Variants in DDX42 observed in about 807,000 individuals in gnomAD.
The protein encoded by DDX42 is DEAD-box helicase 42.
In DDX42, 22 loss-of-function variants were observed where a neutral mutation model predicts 101.5. The observed-to-expected ratio is 0.22, with a 90% CI of 0.15 to 0.31. The LOEUF (loss-of-function observed/expected upper bound fraction) is 0.31. Among genes scored for constraint, DDX42 ranks in the 10% least tolerant of loss-of-function variants. The pLI is 1.00. For missense variants in DDX42, 849 were observed against 1,199.9 expected (o/e 0.71, Z 4.32); for synonymous variants, 402 against 401.2 (o/e 1.00, Z -0.02).
At position 63,792,476 on chromosome 17, in the gene DDX42, T is replaced by C; in HGVS notation, c.286T>C (p.Ser96Pro). The C allele has an allele frequency of 6.2e-7, 1 of 1,613,914 alleles. No individual in the cohort carries two copies. Among genetic ancestry groups the C allele is most frequent in the Non-Finnish European group, 8.5e-7 (1 of 1,179,908 alleles). The change falls in exon 3 of 18, where the codon TCA becomes CCA. Residue 96 changes from serine to proline, a missense_variant. Transcript: ENST00000389924. Reference sequence around the variant, plus strand: ...TTTACCTTACATTCCTGCTGAAAACTCACCAACTCGCCAGCAATTCCATTC... The same window carrying C: ...TTTACCTTACATTCCTGCTGAAAACCCACCAACTCGCCAGCAATTCCATTC... ...VDLPYIPAEN[S>P]PTRQQFHSKP...
intron 2 of DDX42, among the ~76,000 whole-genome samples, chr17:63,789,461 G>A (rs757527863): frequency 2.0e-5 from 3 of 151,046 alleles, no homozygotes; most frequent in Non-Finnish European, 4.4e-5. Flanking sequence ...TGATCCTCCC[G>A]CCTTGGCCTC....
At chr17:63,799,750 T>C in intron 5 of DDX42, 125 bp downstream of exon 5, 1 of 938,088 alleles carries the variant, frequency 1.1e-6, no homozygotes, top group Non-Finnish European at 1.6e-6. Flanking sequence ...GTCATTTGAT[T>C]TGCTCCTTTT....
intron 3 of DDX42, 130 bp downstream of exon 3, chr17:63,792,692 A>T (rs897868451): frequency 9.7e-6 from 9 of 925,916 alleles, no homozygotes; most frequent in Non-Finnish European, 1.4e-5. Flanking sequence ...ATTTTGCTCC[A>T]GTAGTCTATA....
intron 4 of DDX42, chr17:63,798,327 A>C: frequency 2.6e-6 from 1 of 381,004 alleles, no homozygotes. Context: ...GTCTTTGACT[A>C]TAAATAGTTG....
intron 1 of DDX42, among the ~76,000 whole-genome samples, chr17:63,786,296 G>C (rs2039546704): frequency 6.6e-6 from 1 of 152,096 alleles, no homozygotes; most frequent in East Asian, 1.9e-4. Context: ...GGAATACAGT[G>C]GCTATTCACA....
chr17:63,810,594 G>T (rs1305061519), intron 12 of DDX42, 34 bp downstream of exon 12: 3 of 1,599,540 alleles, frequency 1.9e-6, no homozygotes, highest in African/African-American at 1.3e-5. Context: ...AACCAAATTT[G>T]TACTAAAAAG....
intron 4 of DDX42, among the ~76,000 whole-genome samples, chr17:63,798,793 C>T (rs1031189506): frequency 6.6e-6 from 1 of 152,158 alleles, no homozygotes; most frequent in Non-Finnish European, 1.5e-5. Context: ...CTGTGCTTGG[C>T]AGTCAGTGCT....
rs2040003154 is a variant in DDX42, at chr17:63,818,214, A to G, written c.2633A>G (p.Asn878Ser). 1 of 1,614,082 alleles carries G rather than the reference A, an allele frequency of 6.2e-7. No homozygotes were observed. The highest frequency in any genetic ancestry group is 1.3e-5 in the African/African-American group (1 of 75,020). ...CGGCATGGGGAGAACCGGGGTGCAAATGATGGTCGGAATGGGGAAAGCAGG... is the reference window on the plus strand; with the variant it reads ...CGGCATGGGGAGAACCGGGGTGCAAGTGATGGTCGGAATGGGGAAAGCAGG... ...AGRHGENRGA[N>S]DGRNGESRKE... Residue 878 changes from asparagine to serine, a missense_variant, in exon 18 of 18, where the codon AAT becomes AGT. Asn to Ser is a conservative substitution (Grantham distance 46, BLOSUM62 1). Coordinates refer to ENST00000389924, the MANE Select transcript of DDX42 (RefSeq NM_203499.3).
intron 1 of DDX42, among the ~76,000 whole-genome samples, chr17:63,784,562 G>C (rs945328488): frequency 2.6e-5 from 4 of 151,972 alleles, no homozygotes; most frequent in African/African-American, 9.7e-5. Context: ...GGGAGGACTG[G>C]TTGAGGCCAG....
rs529405262 is a variant in DDX42 at position 63,794,258 on chromosome 17, A to C, written c.372+1696A>C. Among the ~76,000 whole-genome samples the C allele has an allele frequency of 2.6e-5, 4 of 152,286 alleles. No individual in the cohort carries two copies. The East Asian group carries it at 7.7e-4, about 29-fold the overall frequency. On this transcript the variant is annotated intron_variant, in intron 3 of 17. Transcript: ENST00000389924. ...CTCCATACTTAAAAACTGTCACTTTAGATGGCTGGACATGGTGGCTCATAC... is the reference window on the plus strand; with the variant it reads ...CTCCATACTTAAAAACTGTCACTTTCGATGGCTGGACATGGTGGCTCATAC...
At chr17:63,815,756 A>C (rs928715835) in intron 16 of DDX42, 83 bp downstream of exon 16, 26 of 970,582 alleles carry the variant, frequency 2.7e-5, no homozygotes, top group Non-Finnish European at 4.0e-5. Context: ...TCTACCCAGG[A>C]AAGCCTCAGT....
intron 1 of DDX42, among the ~76,000 whole-genome samples, chr17:63,779,332 C>T (rs1051319583): frequency 3.3e-5 from 5 of 152,084 alleles, no homozygotes; most frequent in African/African-American, 7.2e-5. Flanking sequence ...GGCATGATCT[C>T]GGCCCACTGC....
chr17:63,814,995 A>G (rs923662213), intron 15 of DDX42, among the ~76,000 whole-genome samples: 1 of 152,156 alleles, frequency 6.6e-6, no homozygotes, highest in Non-Finnish European at 1.5e-5. Flanking sequence ...CATTCTTAAG[A>G]GAATGTGAGT....
intron 2 of DDX42, among the ~76,000 whole-genome samples, chr17:63,788,662 TCTA>T (rs1449877721): frequency 2.0e-5 from 3 of 152,214 alleles, no homozygotes; most frequent in African/African-American, 2.4e-5. Flanking sequence ...GGTAGAAAAA[TCTA>T]CTCACATTTT....
rs1471478475 is a variant in DDX42 at position 63,817,044 on chromosome 17, T to C, written c.2112+78T>C. The C allele has an allele frequency of 5.4e-6, 7 of 1,288,708 alleles. No individual in the cohort carries two copies. The East Asian group carries it at 1.7e-4, about 32-fold the overall frequency. 79.8% of individuals were successfully genotyped at this position (1,288,708 alleles called of 1,614,324 possible). On this transcript the variant is annotated intron_variant, in intron 17 of 17. Coordinates refer to ENST00000389924, the MANE Select transcript of DDX42 (RefSeq NM_203499.3). ...TGACAGAGGGGCTTAGTTTTCCTGGTTGTAGCTGGGCGCCTAGGCTTGATG... is the reference window on the plus strand; with the variant it reads ...TGACAGAGGGGCTTAGTTTTCCTGGCTGTAGCTGGGCGCCTAGGCTTGATG...
At chr17:63,780,390 G>A (rs548770484) in intron 1 of DDX42, among the ~76,000 whole-genome samples, 71 of 152,268 alleles carry the variant, frequency 4.7e-4, no homozygotes, top group African/African-American at 1.6e-3. Context: ...TAATCAGGAA[G>A]GGTGGTTAGC....
Position 63,774,182 on chromosome 17 carries a change from C to G in DDX42, c.-211C>G, listed in dbSNP as rs908389648. ...ATGTCGCGTTTTTGTTCCCCTCCCC[C>G]CTTCAGCAACGGGCCGTGAGGCGGT... On this transcript the variant is annotated 5_prime_UTR_variant, in exon 1 of 18. Transcript: ENST00000389924. 2.1e-5 allele frequency: 6 copies of G among 285,182 alleles called. No homozygotes were observed. Among genetic ancestry groups the G allele is most frequent in the African/African-American group, 9.4e-5 (4 of 42,476 alleles). The allele number at this position is 285,182 out of a possible 1,614,324, so 17.7% of individuals were successfully genotyped here.
intron 2 of DDX42, among the ~76,000 whole-genome samples, chr17:63,790,409 G>C (rs2039612373): frequency 6.6e-6 from 1 of 152,140 alleles, no homozygotes. Context: ...TGTATCACTT[G>C]AGGTCAGAAG....
At chr17:63,776,861 A>G (rs1357636502) in intron 1 of DDX42, among the ~76,000 whole-genome samples, 2 of 152,186 alleles carry the variant, frequency 1.3e-5, no homozygotes, top group African/African-American at 2.4e-5. Flanking sequence ...TAGTTTACAC[A>G]TAGCCTGTGC....
Sources: gnomAD v4.1 joint callset for allele counts (sites outside exome capture counted in the v4.1 genomes callset) on GRCh38, gnomAD v4.1.1 for gene constraint, MANE v1.5 for transcripts, NCBI Gene and HGNC (gene_info 2026-07-23, HGNC 2026-07-21) for gene names.